ZBTB20: variants seen among roughly 807,000 people sequenced by gnomAD.
ZBTB20 encodes zinc finger and BTB domain-containing protein 20.
In ZBTB20, 9 loss-of-function variants were observed where a neutral mutation model predicts 56.9. The observed-to-expected ratio is 0.16, with a 90% confidence interval of 0.10 to 0.28. The LOEUF is 0.28. Ranked by LOEUF, ZBTB20 falls within the 10% of genes least tolerant of loss-of-function variation. The pLI, the probability that ZBTB20 is intolerant of heterozygous loss-of-function variation, is 1.00. For synonymous variants in ZBTB20, 417 were observed against 420.7 expected, an observed-to-expected ratio of 0.99 and a Z score of 0.11; for missense variants, 655 against 1,003.0, an observed-to-expected ratio of 0.65 and a Z score of 4.69.
chr3:115,005,286 T>G (rs1292797535), intron 2 of ZBTB20, among the ~76,000 whole-genome samples: 1 of 151,840 alleles, frequency 6.6e-6, no homozygotes, highest in East Asian at 1.9e-4. Context: ...TTTATCTGTA[T>G]TTGTATTTAT....
intron 4 of ZBTB20, among the ~76,000 whole-genome samples, chr3:114,809,293 T>C (rs374901851): frequency 3.3e-5 from 5 of 152,128 alleles, no homozygotes; most frequent in African/African-American, 1.2e-4. Flanking sequence ...CCTCCTCTTC[T>C]CTACCATTAC....
rs2075058487 is a variant in ZBTB20, at chr3:114,900,338, C to T, written c.-451G>A. 7.9e-6 allele frequency: 1 copy of T among 127,150 alleles called. No homozygotes were observed. The highest frequency in any genetic ancestry group is 2.9e-4 in the South Asian group (1 of 3,468). The allele number at this position is 127,150 out of a possible 1,614,324, so 7.9% of individuals were successfully genotyped here. On this transcript the variant is annotated 5_prime_UTR_variant, in exon 4 of 12. Coordinates refer to ENST00000675478, the MANE Select transcript of ZBTB20 (RefSeq NM_001348800.3). ...TATGGGGCACAAACTTGCAATTCAT[C>T]AATTCTGAAATGTAAAAGAAATATA...
chr3:114,620,614 A>T (rs552192351), intron 6 of ZBTB20, among the ~76,000 whole-genome samples: 4 of 152,294 alleles, frequency 2.6e-5, no homozygotes, highest in Non-Finnish European at 4.4e-5. Flanking sequence ...ATGATAAGCA[A>T]GATGTATTCA....
intron 2 of ZBTB20, among the ~76,000 whole-genome samples, chr3:115,025,210 CCTTT>C (rs1336386480): frequency 1.3e-5 from 2 of 151,286 alleles, no homozygotes; most frequent in African/African-American, 4.8e-5. Context: ...GTTTTTTGTT[CCTTT>C]GTTAGTTCGC....
At chr3:114,344,059 T>G (rs1246472939) in intron 11 of ZBTB20, among the ~76,000 whole-genome samples, 3 of 148,952 alleles carry the variant, frequency 2.0e-5, no homozygotes, top group Non-Finnish European at 4.5e-5. Flanking sequence ...AAAAAAAAAA[T>G]GGGGGGCCCA....
chr3:115,132,429 G>A (rs912082136), intron 1 of ZBTB20, among the ~76,000 whole-genome samples: 2 of 151,936 alleles, frequency 1.3e-5, no homozygotes, highest in Non-Finnish European at 2.9e-5. Flanking sequence ...TAAAATTCAA[G>A]TTTCTATAAT....
In ZBTB20 at chr3:114,351,168, T is replaced by G. The variant is rs1346809124; in HGVS notation, c.910A>C (p.Thr304Pro). 10 of 1,602,392 alleles carry G rather than the reference T, an allele frequency of 6.2e-6. No individual in the cohort carries two copies. The highest frequency in any genetic ancestry group is 8.5e-6 in the Non-Finnish European group (10 of 1,179,594). Residue 304 changes from threonine to proline, a missense_variant, in exon 11 of 12, where the codon ACC becomes CCC. Thr to Pro is a conservative substitution (Grantham distance 38). Around this residue, in one of 10 missense-constraint regions of ZBTB20, gnomAD observed 167 missense variants for 281.9 expected, o/e 0.59. Coordinates refer to ENST00000675478, the MANE Select transcript of ZBTB20 (RefSeq NM_001348800.3). The part of the protein sequence containing the change: ...RSQQMERYLS[T>P]TPETTHCRKQ... ...CGGCAGTGCGTGGTCTCGGGGGTGG[T>G]GGACAGGTAGCGCTCCATCTGCTGC...
chr3:114,792,557 C>T (rs1214461056), intron 5 of ZBTB20, among the ~76,000 whole-genome samples: 3 of 152,156 alleles, frequency 2.0e-5, no homozygotes, highest in Non-Finnish European at 4.4e-5. Context: ...CCCCACATCC[C>T]ATTCCCAGAC....
At chr3:114,876,093 G>A (rs1032584402) in intron 4 of ZBTB20, among the ~76,000 whole-genome samples, 3 of 151,254 alleles carry the variant, frequency 2.0e-5, no homozygotes, top group Non-Finnish European at 4.4e-5. Flanking sequence ...TAAAATTAGC[G>A]GGGTATGGTG....
chr3:114,805,001 G>A (rs1407703431), intron 4 of ZBTB20, among the ~76,000 whole-genome samples: 1 of 151,784 alleles, frequency 6.6e-6, no homozygotes, highest in African/African-American at 2.4e-5. Context: ...ATATTCAAAC[G>A]ATAATTATCC....
chr3:114,932,509 G>T (rs1224201452), intron 3 of ZBTB20, among the ~76,000 whole-genome samples: 1 of 152,146 alleles, frequency 6.6e-6, no homozygotes. Flanking sequence ...GGCCTCTCTA[G>T]CTTTCTGCTC....
At chr3:114,483,420 C>T (rs1021675142) in intron 7 of ZBTB20, among the ~76,000 whole-genome samples, 42 of 152,060 alleles carry the variant, frequency 2.8e-4, no homozygotes, top group African/African-American at 1.0e-3. Context: ...CCATCTGAGA[C>T]AGCATGGCTG....
chr3:115,088,346 C>T (rs1046263151), intron 1 of ZBTB20, among the ~76,000 whole-genome samples: 3 of 151,660 alleles, frequency 2.0e-5, no homozygotes, highest in African/African-American at 7.3e-5. Context: ...GAAATATAAC[C>T]CCAAATTTCC....
chr3:114,374,571 G>A (rs1445564887), intron 10 of ZBTB20, among the ~76,000 whole-genome samples: 8 of 151,976 alleles, frequency 5.3e-5, no homozygotes, highest in Admixed American at 4.6e-4. Context: ...TCTCTATTAC[G>A]GTTCTTCACA....
chr3:115,061,684 G>A (rs111873957), intron 2 of ZBTB20, among the ~76,000 whole-genome samples: 9 of 152,014 alleles, frequency 5.9e-5, no homozygotes, highest in African/African-American at 1.9e-4. Flanking sequence ...AAAAGTTTAC[G>A]ATTTTACAAG....
At chr3:114,644,584 T>TA (rs1382132565) in intron 6 of ZBTB20, among the ~76,000 whole-genome samples, 22 of 152,200 alleles carry the variant, frequency 1.4e-4, no homozygotes, top group African/African-American at 3.9e-4. Context: ...TGGCTGTTGT[T>TA]AAAAAATCAA....
intron 6 of ZBTB20, among the ~76,000 whole-genome samples, chr3:114,572,862 G>A (rs767452434): frequency 2.1e-4 from 32 of 152,054 alleles, no homozygotes; most frequent in Non-Finnish European, 4.1e-4. Context: ...TTCTTACACA[G>A]AGCAACCGAG....
intron 6 of ZBTB20, among the ~76,000 whole-genome samples, chr3:114,618,849 C>A (rs2058116473): frequency 2.0e-5 from 3 of 152,194 alleles, no homozygotes; most frequent in Admixed American, 2.0e-4. Flanking sequence ...GTACCTCTGA[C>A]ATTTGTTATA....
intron 5 of ZBTB20, among the ~76,000 whole-genome samples, chr3:114,726,686 G>A (rs1444518346): frequency 6.6e-6 from 1 of 152,032 alleles, no homozygotes; most frequent in East Asian, 1.9e-4. Context: ...GCCAAGGTGG[G>A]CGGATCACGA....
Sources: gnomAD v4.1 joint callset for allele counts (sites outside exome capture counted in the v4.1 genomes callset) on GRCh38, gnomAD v4.1.1 for gene constraint, gnomAD v4.1.1 regional missense constraint, MANE v1.5 for transcripts, NCBI Gene and HGNC (gene_info 2026-07-23, HGNC 2026-07-21) for gene names.